REC114: variants seen among roughly 807,000 people sequenced by gnomAD.
The protein encoded by REC114 is meiotic recombination protein REC114.
Under a neutral mutation model 31.3 loss-of-function variants are expected in REC114, and 27 were observed. The ratio of observed to expected loss-of-function variants is 0.86; its 90% CI spans 0.64 to 1.19. The LOEUF is 1.19. REC114 is among the 50% of genes most tolerant of loss of function. The pLI is 0.00. For synonymous variants in REC114, 134 were observed against 127.7 expected (o/e 1.05, Z -0.33); for missense variants, 344 against 326.9 (o/e 1.05, Z -0.40).
chr15:73,529,170 C>T (rs903303443), intron 2 of REC114, among the ~76,000 whole-genome samples: 4 of 151,144 alleles, frequency 2.6e-5, no homozygotes, highest in Non-Finnish European at 4.4e-5. Context: ...CAGAGTCTCG[C>T]TCTGTCGCCC....
chr15:73,518,058 A>G (rs1358970249), intron 2 of REC114, among the ~76,000 whole-genome samples: 3 of 152,236 alleles, frequency 2.0e-5, no homozygotes, highest in South Asian at 2.1e-4. Context: ...TAAAAAACCA[A>G]TTTGTTAATT....
At chr15:73,525,100 T>C (rs1893988145) in intron 2 of REC114, among the ~76,000 whole-genome samples, 1 of 152,168 alleles carries the variant, frequency 6.6e-6, no homozygotes, top group Non-Finnish European at 1.5e-5. Flanking sequence ...GTCATGGCAA[T>C]AGTTTTTTGG....
At chr15:73,527,459 T>G (rs1894023553) in intron 2 of REC114, among the ~76,000 whole-genome samples, 2 of 152,162 alleles carry the variant, frequency 1.3e-5, no homozygotes, top group African/African-American at 4.8e-5. Context: ...GATTGCAGGC[T>G]CTGTTTGGAT....
chr15:73,558,706 G>A (rs2141340452), intron 5 of REC114, among the ~76,000 whole-genome samples: 1 of 152,304 alleles, frequency 6.6e-6, no homozygotes, highest in East Asian at 1.9e-4. Context: ...CATCTACACT[G>A]CTAGTGGAAT....
intron 1 of REC114, among the ~76,000 whole-genome samples, chr15:73,444,533 G>C (rs983534938): frequency 6.6e-6 from 1 of 152,150 alleles, no homozygotes; most frequent in Non-Finnish European, 1.5e-5. Flanking sequence ...TAGCAATTCA[G>C]TCCCATCTTC....
At chr15:73,490,827 A>T (rs1326837616) in intron 2 of REC114, among the ~76,000 whole-genome samples, 1 of 152,108 alleles carries the variant, frequency 6.6e-6, no homozygotes, top group Non-Finnish European at 1.5e-5. Flanking sequence ...CCAAAAAAAA[A>T]TTCCCTCTTA....
At chr15:73,554,865 T>C (rs1894441740) in intron 4 of REC114, among the ~76,000 whole-genome samples, 1 of 152,192 alleles carries the variant, frequency 6.6e-6, no homozygotes. Context: ...TGAGCTGAAA[T>C]GATAGGTATT....
rs556142817 is a variant in REC114, at chr15:73,538,665, C to A, written c.250-1820C>A. On this transcript the variant is annotated intron_variant, in intron 2 of 5. Coordinates refer to ENST00000331090, the MANE Select transcript of REC114 (RefSeq NM_001042367.2). ...TAGAGACAGGGTTTCTCTGTGTTAG[C>A]CAAGATGGTCTCGATCTCTGACCTC... 2.7e-4 allele frequency among the ~76,000 whole-genome samples: 41 copies of A among 151,978 alleles called. No homozygotes were observed. In the South Asian group the frequency reaches 8.5e-3, roughly 32 times the overall value.
intron 1 of REC114, among the ~76,000 whole-genome samples, chr15:73,473,279 C>T (rs151211985): frequency 2.4e-3 from 364 of 152,172 alleles, no homozygotes; most frequent in African/African-American, 8.5e-3. Context: ...ATCCCAGCTA[C>T]TCGCGAGGCT....
chr15:73,469,995 T>G (rs990738634), intron 1 of REC114, among the ~76,000 whole-genome samples: 6 of 152,206 alleles, frequency 3.9e-5, no homozygotes, highest in Non-Finnish European at 7.3e-5. Context: ...TCTATCCTTT[T>G]GTTTTTAACC....
At chr15:73,494,181 T>C (rs1254932369) in intron 2 of REC114, among the ~76,000 whole-genome samples, 1 of 152,208 alleles carries the variant, frequency 6.6e-6, no homozygotes, top group Non-Finnish European at 1.5e-5. Context: ...AGTATTGATA[T>C]AGTTCTCTAC....
chr15:73,486,649 T>A (rs964684008), intron 2 of REC114, among the ~76,000 whole-genome samples: 11 of 152,198 alleles, frequency 7.2e-5, no homozygotes, highest in Non-Finnish European at 5.9e-5. Flanking sequence ...AGGATTCGTG[T>A]CTGAGGTATC....
At chr15:73,507,084 A>G (rs1029288595) in intron 2 of REC114, among the ~76,000 whole-genome samples, 2 of 152,186 alleles carry the variant, frequency 1.3e-5, no homozygotes, top group African/African-American at 4.8e-5. Flanking sequence ...AAAAAAGACA[A>G]ATCAACTCAA....
intron 2 of REC114, among the ~76,000 whole-genome samples, chr15:73,492,281 C>A (rs1007979099): frequency 6.6e-5 from 10 of 152,158 alleles, no homozygotes; most frequent in African/African-American, 2.4e-4. Flanking sequence ...TGTCTGCCTT[C>A]TTTTGCTCAT....
At chr15:73,471,280 G>A (rs1893128751) in intron 1 of REC114, among the ~76,000 whole-genome samples, 1 of 152,208 alleles carries the variant, frequency 6.6e-6, no homozygotes, top group Non-Finnish European at 1.5e-5. Flanking sequence ...AGATAGACAT[G>A]AAGGATTTGC....
chr15:73,501,920 T>C (rs1316211268), intron 2 of REC114, among the ~76,000 whole-genome samples: 1 of 151,230 alleles, frequency 6.6e-6, no homozygotes, highest in Non-Finnish European at 1.5e-5. Context: ...TATTTTCTTA[T>C]GTAATGACAT....
intron 2 of REC114, among the ~76,000 whole-genome samples, chr15:73,504,414 A>G (rs917935705): frequency 3.9e-5 from 6 of 152,100 alleles, no homozygotes; most frequent in Non-Finnish European, 7.4e-5. Flanking sequence ...TTGTCCTTAT[A>G]CTAACCTTTC....
intron 2 of REC114, among the ~76,000 whole-genome samples, chr15:73,481,199 T>C (rs1315327853): frequency 6.6e-6 from 1 of 152,140 alleles, no homozygotes. Context: ...CACGTCAACA[T>C]GGTTTTGGGC....
intron 2 of REC114, among the ~76,000 whole-genome samples, chr15:73,517,828 A>T (rs1042630462): frequency 2.0e-5 from 3 of 152,220 alleles, no homozygotes; most frequent in Non-Finnish European, 4.4e-5. Context: ...ATAGCAATTG[A>T]AACTGTGGAT....
Sources: gnomAD v4.1 joint callset for allele counts (sites outside exome capture counted in the v4.1 genomes callset) on GRCh38, gnomAD v4.1.1 for gene constraint, MANE v1.5 for transcripts, NCBI Gene and HGNC (gene_info 2026-07-23, HGNC 2026-07-21) for gene names.